CHD5: variants seen among roughly 807,000 people sequenced by gnomAD.
CHD5 encodes the protein ATP-dependent chromatin remodeler CHD5.
Under a neutral mutation model 230.3 loss-of-function variants are expected in CHD5, and 69 were observed. The observed-to-expected ratio is 0.30, with a 90% confidence interval of 0.25 to 0.37. The LOEUF is 0.37. CHD5 is among the 10% of genes least tolerant of loss of function. The pLI is 1.00. For synonymous variants in CHD5, 1,064 were observed against 1,065.9 expected, an observed-to-expected ratio of 1.00 and a Z score of 0.03; for missense variants, 1,827 against 2,622.8, an observed-to-expected ratio of 0.70 and a Z score of 6.63.
At chr1:6,122,846 G>T (rs896300737) in intron 31 of CHD5, among the ~76,000 whole-genome samples, 1 of 152,166 alleles carries the variant, frequency 6.6e-6, no homozygotes, top group African/African-American at 2.4e-5. Flanking sequence ...GAGGAGGGTG[G>T]ATCACCTGAG....
rs752246510 is a variant in CHD5, at chr1:6,131,101, G to A, written c.3262+530C>T. Among the ~76,000 whole-genome samples the A allele has an allele frequency of 1.1e-4, 17 of 152,210 alleles. No homozygotes were observed. Among genetic ancestry groups the A allele is most frequent in the Non-Finnish European group, 1.8e-4 (12 of 68,036 alleles). ...AAACTTGCTACTGAAGCTTACAGCC[G>A]ACTGCTTCCCACTCCAGAAGTTTCT... is the stretch of plus-strand genomic sequence containing the variant. On this transcript the variant is annotated intron_variant, in intron 21 of 41. Coordinates refer to ENST00000262450, the MANE Select transcript of CHD5 (RefSeq NM_015557.3). The surrounding 1 kb of genome is among the most constrained non-coding windows in gnomAD (Gnocchi z 5.0).
rs552584186 is a variant in CHD5, at chr1:6,128,280, A to G, written c.3731-62T>C. On this transcript the variant is annotated intron_variant, in intron 24 of 41. Coordinates refer to ENST00000262450, the MANE Select transcript of CHD5 (RefSeq NM_015557.3). This position sits in a 1 kb window ranked among gnomAD's most constrained non-coding sequence, Gnocchi z 7.8. ...TGCCCTGGTCCAGCCCCGGGGTCCCAGGAACAGACTCCCAACAATGGCCCT... is the reference window on the plus strand; with the variant it reads ...TGCCCTGGTCCAGCCCCGGGGTCCCGGGAACAGACTCCCAACAATGGCCCT... The G allele has an allele frequency of 9.8e-6, 15 of 1,531,058 alleles. No individual in the cohort carries two copies. Among genetic ancestry groups the G allele is most frequent in the Middle Eastern group, 1.8e-4 (1 of 5,504 alleles). 94.8% of individuals were successfully genotyped at this position (1,531,058 alleles called of 1,614,324 possible). A position where few individuals can be genotyped will look rare whatever the true frequency, so the allele number is the denominator to read the frequency against.
chr1:6,158,508 T>C (rs936152382), intron 3 of CHD5, among the ~76,000 whole-genome samples: 23 of 152,178 alleles, frequency 1.5e-4, no homozygotes, highest in African/African-American at 4.8e-4. Flanking sequence ...CCCCTAGAAA[T>C]AGCTGCTCAC....
chr1:6,173,862 C>T (rs4908860), intron 1 of CHD5, among the ~76,000 whole-genome samples: 38,141 of 152,122 alleles, frequency 0.25, 8,238 homozygotes, highest in African/African-American at 0.59. Flanking sequence ...CTTATGCTGG[C>T]AAAGGGGGGC....
intron 2 of CHD5, among the ~76,000 whole-genome samples, chr1:6,160,185 C>T (rs1463209421): frequency 1.1e-5 from 1 of 91,178 alleles, no homozygotes; most frequent in Admixed American, 1.0e-4. Flanking sequence ...AGGGAAGGGC[C>T]CCAGCCAGAG....
intron 2 of CHD5, among the ~76,000 whole-genome samples, chr1:6,161,803 C>A (rs1667182284): frequency 6.6e-6 from 1 of 152,198 alleles, no homozygotes; most frequent in South Asian, 2.1e-4. Context: ...ACAAGAGAGG[C>A]CGCCATGAAC....
At chr1:6,122,174 A>G (rs532703922) in intron 31 of CHD5, among the ~76,000 whole-genome samples, 1 of 152,318 alleles carries the variant, frequency 6.6e-6, no homozygotes, top group South Asian at 2.1e-4. Context: ...GCAGCTTCTC[A>G]GGGCCTGGCC....
chr1:6,164,219 G>A (rs989764806), intron 2 of CHD5, among the ~76,000 whole-genome samples: 2 of 152,208 alleles, frequency 1.3e-5, no homozygotes, highest in Admixed American at 6.5e-5. Flanking sequence ...TCCTAAAAAC[G>A]GAGACATTTA....
chr1:6,166,633 A>G (rs1186204755), intron 2 of CHD5, among the ~76,000 whole-genome samples: 2 of 152,112 alleles, frequency 1.3e-5, no homozygotes, highest in Non-Finnish European at 2.9e-5. Flanking sequence ...GCTGACACCC[A>G]GACCAGAAAA....
chr1:6,149,471 A>G lies in CHD5; in HGVS notation c.995-59T>C, dbSNP rs1469147284. On this transcript the variant is annotated intron_variant, in intron 7 of 41. Coordinates refer to ENST00000262450, the MANE Select transcript of CHD5 (RefSeq NM_015557.3). ...CATCCACACTCCCAGCACACAACCA[A>G]CTGCATCGCCCCAGGCCAGACAGGC... 3.9e-6 allele frequency: 6 copies of G among 1,521,470 alleles called. No individual in the cohort carries two copies. The Admixed American group carries it at 5.4e-5, about 14-fold the overall frequency. 94.2% of individuals were successfully genotyped at this position (1,521,470 alleles called of 1,614,324 possible).
In CHD5 at chr1:6,152,435, T is replaced by A. The variant is rs780767406; in HGVS notation, c.847A>T (p.Asn283Tyr). The A allele has an allele frequency of 1.2e-6, 2 of 1,613,988 alleles. No individual in the cohort carries two copies. The highest frequency in any genetic ancestry group is 1.3e-5 in the African/African-American group (1 of 74,928). The change falls in exon 6 of 42, where the codon AAC becomes TAC. Residue 283 changes from asparagine to tyrosine, a missense_variant. Transcript: ENST00000262450. ...GLKFRFGGIS[N>Y]KRKKGSSSEE... Reference sequence around the variant, plus strand: ...ACCGAGGAGCCTTTCTTCCTCTTGTTGCTGATCCCCCCGAAGCGGAACTTG... The same window carrying A: ...ACCGAGGAGCCTTTCTTCCTCTTGTAGCTGATCCCCCCGAAGCGGAACTTG...
chr1:6,114,770 A>G (rs1666349511), intron 33 of CHD5, among the ~76,000 whole-genome samples: 1 of 151,994 alleles, frequency 6.6e-6, no homozygotes, highest in Non-Finnish European at 1.5e-5. Flanking sequence ...AAAAACATAA[A>G]ATTTCTAGAA....
At chr1:6,179,875 T>TG (rs1445069638) in intron 1 of CHD5, 70 bp downstream of exon 1, 3 of 518,270 alleles carry the variant, frequency 5.8e-6, no homozygotes, top group African/African-American at 2.0e-4. Flanking sequence ...CCGCCCGCGC[T>TG]CCGCCCTGGG....
intron 1 of CHD5, among the ~76,000 whole-genome samples, chr1:6,173,984 G>A (rs956742946): frequency 6.6e-6 from 1 of 152,192 alleles, no homozygotes; most frequent in Non-Finnish European, 1.5e-5. Flanking sequence ...GTGGGGAGTG[G>A]AGGGAAGAGA....
chr1:6,172,245 AG>A lies in CHD5; in HGVS notation c.80-3969del, dbSNP rs564438294. On this transcript the variant is annotated intron_variant, in intron 1 of 41. Transcript: ENST00000262450. Reference sequence around the variant, plus strand: ...GCATACCACCTGCCAGGCTCGTGCCAGGCCCAAAGTACCTAGGACTGATTAA... The same window carrying A: ...GCATACCACCTGCCAGGCTCGTGCCAGCCCAAAGTACCTAGGACTGATTAA... 2.9e-4 allele frequency among the ~76,000 whole-genome samples: 44 copies of A among 152,368 alleles called. 1 individual carries two copies. In the South Asian group the frequency reaches 8.9e-3, roughly 31 times the overall value.
chr1:6,125,728 C>G lies in CHD5; in HGVS notation c.4171+38G>C. ...GCTGCCATCAGCTCCCCTGACATGG[C>G]CTCAGCAGTAGCCCAGACCACTAAC... On this transcript the variant is annotated intron_variant, in intron 27 of 41. Coordinates refer to ENST00000262450, the MANE Select transcript of CHD5 (RefSeq NM_015557.3). The surrounding 1 kb of genome is among the most constrained non-coding windows in gnomAD (Gnocchi z 6.7). 6.3e-7 allele frequency: 1 copy of G among 1,590,804 alleles called. No individual in the cohort carries two copies. The highest frequency in any genetic ancestry group is 8.6e-7 in the Non-Finnish European group (1 of 1,158,962).
chr1:6,161,287 C>T (rs976269678), intron 2 of CHD5, among the ~76,000 whole-genome samples: 2 of 152,250 alleles, frequency 1.3e-5, no homozygotes, highest in African/African-American at 4.8e-5. Context: ...AGGAGAGTGG[C>T]TCCAAACAGT....
At chr1:6,112,005 G>C (rs1332089603) in intron 35 of CHD5, 122 bp from the exon 36 acceptor site, 25 of 1,381,812 alleles carry the variant, frequency 1.8e-5, no homozygotes, top group African/African-American at 2.8e-5. Flanking sequence ...CAGTGTTCCA[G>C]GGTGGCTAAG....
Position 6,155,213 on chromosome 1 carries a change from A to C in CHD5, c.507-315T>G, listed in dbSNP as rs1185749627. ...AAACACCCCAGCTTCCTGTCCACACAGTTGGTGATTTTCTCATTGGGTTTT... is the reference window on the plus strand; with the variant it reads ...AAACACCCCAGCTTCCTGTCCACACCGTTGGTGATTTTCTCATTGGGTTTT... On this transcript the variant is annotated intron_variant, in intron 4 of 41. Coordinates refer to ENST00000262450, the MANE Select transcript of CHD5 (RefSeq NM_015557.3). The surrounding 1 kb of genome is among the most constrained non-coding windows in gnomAD (Gnocchi z 4.0). 6.9e-6 allele frequency among the ~76,000 whole-genome samples: 1 copy of C among 145,456 alleles called. No homozygotes were observed. The highest frequency in any genetic ancestry group is 1.5e-5 in the Non-Finnish European group (1 of 67,182).
Sources: allele counts gnomAD v4.1 joint callset (sites outside exome capture counted in the v4.1 genomes callset), GRCh38; gene constraint gnomAD v4.1.1; non-coding constraint Gnocchi (gnomAD v3.1); transcripts MANE v1.5; gene names NCBI Gene and HGNC (gene_info 2026-07-23, HGNC 2026-07-21).